RIN2: variants seen among roughly 807,000 people sequenced by gnomAD.
RIN2 encodes the protein RAB5 interacting protein 2.
A neutral mutation model predicts 78.0 loss-of-function variants in RIN2; 36 were observed. The ratio of observed to expected loss-of-function variants is 0.46; its 90% CI spans 0.35 to 0.61. The LOEUF (loss-of-function observed/expected upper bound fraction) is 0.61. Ranked by LOEUF, RIN2 falls within the 20% of genes least tolerant of loss-of-function variation. RIN2 has a pLI of 0.00. For synonymous variants in RIN2, 466 were observed against 466.8 expected (o/e 1.00, Z 0.02); for missense variants, 1,087 against 1,159.7 (o/e 0.94, Z 0.91).
chr20:19,900,944 TC>T lies in RIN2; in HGVS notation c.57+11287del, dbSNP rs2038952439. Among the ~76,000 whole-genome samples, 15 of 52,298 alleles carry T rather than the reference TC, an allele frequency of 2.9e-4. 1 individual carries two copies. The South Asian group carries it at 0.011, about 38-fold the overall frequency. 34.3% of individuals were successfully genotyped at this position (52,298 alleles called of 152,430 possible). The stretch of plus-strand genomic sequence containing the variant: ...TGGCCTGGGCAACAAGAGCTCTGTC[TC>T]AAAAAAAAAAAAAAAAAAAAAAAAA... On this transcript the variant is annotated intron_variant, in intron 3 of 12. Transcript: ENST00000255006.
intron 1 of RIN2, among the ~76,000 whole-genome samples, chr20:19,765,324 A>T (rs1386910620): frequency 6.6e-6 from 1 of 152,184 alleles, no homozygotes; most frequent in Non-Finnish European, 1.5e-5. Context: ...CATGACATTG[A>T]ATTAGAGCCA....
intron 2 of RIN2, among the ~76,000 whole-genome samples, chr20:19,837,313 T>C (rs2036451943): frequency 8.2e-6 from 1 of 122,514 alleles, no homozygotes; most frequent in Admixed American, 7.8e-5. Flanking sequence ...GAGAATTAAC[T>C]CAATACACAT....
chr20:19,798,074 A>G (rs534107560), intron 1 of RIN2, among the ~76,000 whole-genome samples: 1 of 151,176 alleles, frequency 6.6e-6, no homozygotes, highest in African/African-American at 2.4e-5. Flanking sequence ...GATGGCCTTG[A>G]TCTCCTGACC....
chr20:19,816,402 C>T (rs1180267813), intron 2 of RIN2, among the ~76,000 whole-genome samples: 3 of 138,996 alleles, frequency 2.2e-5, no homozygotes, highest in Non-Finnish European at 4.7e-5. Flanking sequence ...AATGAGAACT[C>T]GAATTTTCCT....
At chr20:19,778,741 G>A (rs2034396839) in intron 1 of RIN2, among the ~76,000 whole-genome samples, 1 of 152,190 alleles carries the variant, frequency 6.6e-6, no homozygotes, top group Non-Finnish European at 1.5e-5. Flanking sequence ...ACATTTGGAG[G>A]AAGGACACCT....
intron 2 of RIN2, among the ~76,000 whole-genome samples, chr20:19,814,758 A>G (rs1267644624): frequency 2.0e-5 from 3 of 151,842 alleles, no homozygotes; most frequent in South Asian, 2.1e-4. Context: ...ATACCCAGCT[A>G]ATTTTTTTTT....
At chr20:19,846,573 C>G (rs6112609) in intron 2 of RIN2, among the ~76,000 whole-genome samples, 3,047 of 152,250 alleles carry the variant, frequency 0.02, 105 homozygotes, top group African/African-American at 0.068. Flanking sequence ...GGTTTTGTAT[C>G]TTGAGACTTT....
At chr20:19,901,941 G>A (rs920341938) in intron 3 of RIN2, among the ~76,000 whole-genome samples, 5 of 149,950 alleles carry the variant, frequency 3.3e-5, no homozygotes, top group South Asian at 2.1e-4. Flanking sequence ...ACTCGAACCC[G>A]GGAGGCGGAG....
chr20:19,848,752 C>T (rs867122632), intron 2 of RIN2, among the ~76,000 whole-genome samples: 4 of 151,688 alleles, frequency 2.6e-5, no homozygotes, highest in Admixed American at 1.3e-4. Context: ...AGTTTATATC[C>T]ATTCGATTTA....
chr20:19,816,352 T>C (rs73275037), intron 2 of RIN2, among the ~76,000 whole-genome samples: 2,581 of 152,266 alleles, frequency 0.017, 69 homozygotes, highest in African/African-American at 0.058. Context: ...CCATTTGATA[T>C]CACCTAACCT....
At chr20:19,838,930 C>G (rs1455083652) in intron 2 of RIN2, among the ~76,000 whole-genome samples, 1 of 152,170 alleles carries the variant, frequency 6.6e-6, no homozygotes, top group Non-Finnish European at 1.5e-5. Context: ...GGCCTGACAA[C>G]ACCAGCTTGT....
chr20:19,769,084 G>A (rs2034013868), intron 1 of RIN2, among the ~76,000 whole-genome samples: 1 of 152,056 alleles, frequency 6.6e-6, no homozygotes, highest in Non-Finnish European at 1.5e-5. Context: ...GCCACGCCCA[G>A]CTAATTTTTG....
At chr20:19,927,505 C>CA (rs2040271286) in intron 3 of RIN2, among the ~76,000 whole-genome samples, 1 of 151,928 alleles carries the variant, frequency 6.6e-6, no homozygotes, top group Admixed American at 6.6e-5. Flanking sequence ...ACCTCTGTCT[C>CA]CCAGGTTCAA....
At chr20:19,799,496 T>A (rs2035174370) in intron 1 of RIN2, 126 bp from the exon 2 acceptor site, 1 of 152,198 alleles carries the variant, frequency 6.6e-6, no homozygotes, top group South Asian at 2.1e-4. Context: ...GGAAAGGCCA[T>A]CACTGTGTTC....
chr20:19,883,103 G>T (rs1483846371), intron 2 of RIN2, among the ~76,000 whole-genome samples: 1 of 152,112 alleles, frequency 6.6e-6, no homozygotes, highest in Admixed American at 6.5e-5. Flanking sequence ...GGGTAGCCAA[G>T]GGGAAGCCAC....
intron 3 of RIN2, among the ~76,000 whole-genome samples, chr20:19,912,475 C>CTTTTT (rs545323465): frequency 3.4e-4 from 38 of 110,922 alleles, no homozygotes; most frequent in Non-Finnish European, 4.9e-4. Flanking sequence ...TTTTCTTTTT[C>CTTTTT]TTTTTTTTTT....
chr20:19,841,287 G>A (rs1057343525), intron 2 of RIN2, among the ~76,000 whole-genome samples: 1 of 151,774 alleles, frequency 6.6e-6, no homozygotes, highest in African/African-American at 2.4e-5. Flanking sequence ...TCGGTGAAGG[G>A]TTTTTTCAAA....
rs538384757 is a variant in RIN2 at position 19,815,752 on chromosome 20, A to G, written c.-37+16005A>G. Among the ~76,000 whole-genome samples the G allele has an allele frequency of 2.1e-4, 32 of 152,340 alleles. 1 individual carries two copies. The highest frequency in any genetic ancestry group is 2.0e-4 in the Admixed American group (3 of 15,294). On this transcript the variant is annotated intron_variant, in intron 2 of 12. Coordinates refer to ENST00000255006, the MANE Select transcript of RIN2 (RefSeq NM_018993.4). ...CTTCCTCTGGAGCCCGCTACACCACAGAGTCCTGTGGGAAACTGATTAGTC... is the reference window on the plus strand; with the variant it reads ...CTTCCTCTGGAGCCCGCTACACCACGGAGTCCTGTGGGAAACTGATTAGTC...
intron 4 of RIN2, among the ~76,000 whole-genome samples, chr20:19,941,607 G>T (rs1045164986): frequency 1.2e-4 from 18 of 152,166 alleles, no homozygotes; most frequent in Non-Finnish European, 2.5e-4. Context: ...AGGCCGTGTA[G>T]CAGCAACAGG....
Sources: allele counts gnomAD v4.1 joint callset (sites outside exome capture counted in the v4.1 genomes callset), GRCh38; gene constraint gnomAD v4.1.1; transcripts MANE v1.5; gene names NCBI Gene and HGNC (gene_info 2026-07-23, HGNC 2026-07-21).